The following CDH12 variants were observed in gnomAD, a reference collection of about 807,000 sequenced individuals.
The protein encoded by CDH12 is cadherin 12.
CDH12 carries 41 observed loss-of-function variants against 74.1 expected under a neutral mutation model. The ratio of observed to expected loss-of-function variants is 0.55; its 90% CI spans 0.43 to 0.72. CDH12 has a LOEUF of 0.72. Ranked by LOEUF, CDH12 falls within the 30% of genes least tolerant of loss-of-function variation. CDH12 has a pLI of 0.00. For synonymous variants in CDH12, 399 were observed against 355.0 expected (o/e 1.12, Z -1.39); for missense variants, 945 against 977.2 (o/e 0.97, Z 0.44).
At chr5:21,879,912 C>T (rs576177501) in intron 6 of CDH12, among the ~76,000 whole-genome samples, 1 of 152,314 alleles carries the variant, frequency 6.6e-6, no homozygotes, top group South Asian at 2.1e-4. Flanking sequence ...GTTGATCTAA[C>T]AGGTAGATGG....
In CDH12 at chr5:21,975,280, C is replaced by T. The variant is rs1303960064; in HGVS notation, c.337G>A (p.Ala113Thr). ...TIDETTGDIH[A>T]IRSLDREEKP... Reference sequence around the variant, plus strand: ...TCTTCTCTATCTAGGCTCCTTATTGCATGAATGTCCCCTGTGGTTTCATCA... The same window carrying T: ...TCTTCTCTATCTAGGCTCCTTATTGTATGAATGTCCCCTGTGGTTTCATCA... The change falls in exon 6 of 15, where the codon GCA becomes ACA. Residue 113 changes from alanine to threonine, a missense_variant. By Grantham distance (58) the Ala-to-Thr change is moderately conservative (BLOSUM62 0). Around this residue, in one of 3 missense-constraint regions of CDH12, gnomAD observed 148 missense variants for 162.8 expected, o/e 0.91. Coordinates refer to ENST00000382254, the MANE Select transcript of CDH12 (RefSeq NM_004061.5). 5.0e-6 allele frequency: 8 copies of T among 1,597,192 alleles called. No individual in the cohort carries two copies. Among genetic ancestry groups the T allele is most frequent in the Non-Finnish European group, 5.1e-6 (6 of 1,179,514 alleles).
chr5:22,677,527 A>G (rs1166392082), intron 1 of CDH12, among the ~76,000 whole-genome samples: 3 of 151,746 alleles, frequency 2.0e-5, no homozygotes, highest in Non-Finnish European at 4.4e-5. Context: ...TGACCAAATC[A>G]CCTCTCAAAG....
intron 5 of CDH12, among the ~76,000 whole-genome samples, chr5:22,062,509 G>A (rs541257799): frequency 3.9e-5 from 6 of 152,196 alleles, no homozygotes; most frequent in East Asian, 3.9e-4. Context: ...ACCTAAAAAC[G>A]CTTTTAAAAA....
At chr5:22,579,169 T>C (rs541603812) in intron 1 of CDH12, among the ~76,000 whole-genome samples, 2 of 152,258 alleles carry the variant, frequency 1.3e-5, no homozygotes, top group South Asian at 4.1e-4. Context: ...CTTATAGATA[T>C]GAGATCCATC....
At chr5:22,658,317 A>C (rs963252676) in intron 1 of CDH12, among the ~76,000 whole-genome samples, 1 of 152,122 alleles carries the variant, frequency 6.6e-6, no homozygotes, top group Non-Finnish European at 1.5e-5. Flanking sequence ...CCTGTAAATT[A>C]GGTGTTTTGA....
chr5:22,190,137 T>C (rs981580431), intron 4 of CDH12, among the ~76,000 whole-genome samples: 7 of 152,208 alleles, frequency 4.6e-5, no homozygotes, highest in African/African-American at 1.4e-4. Flanking sequence ...ATCATGATCA[T>C]GTCTGGGGTG....
At chr5:22,161,598 G>A (rs1748355065) in intron 4 of CDH12, among the ~76,000 whole-genome samples, 1 of 151,958 alleles carries the variant, frequency 6.6e-6, no homozygotes, top group Non-Finnish European at 1.5e-5. Context: ...AGGCGGAGGT[G>A]GGAAGATTGG....
intron 5 of CDH12, among the ~76,000 whole-genome samples, chr5:22,036,836 G>C (rs1739223034): frequency 6.6e-6 from 1 of 152,030 alleles, no homozygotes; most frequent in Non-Finnish European, 1.5e-5. Flanking sequence ...GGCATCAAAG[G>C]ACAGCATTTA....
intron 4 of CDH12, among the ~76,000 whole-genome samples, chr5:22,120,591 T>G (rs192136804): frequency 6.6e-6 from 1 of 152,262 alleles, no homozygotes; most frequent in Non-Finnish European, 1.5e-5. Context: ...TTCTTTAATA[T>G]ATGGAAATGT....
intron 6 of CDH12, among the ~76,000 whole-genome samples, chr5:21,967,529 T>C (rs1461616572): frequency 6.6e-6 from 1 of 152,130 alleles, no homozygotes; most frequent in Non-Finnish European, 1.5e-5. Context: ...GGCTAAAATA[T>C]ATTTAATGCT....
chr5:22,400,542 C>T (rs931914405), intron 3 of CDH12, among the ~76,000 whole-genome samples: 3 of 151,958 alleles, frequency 2.0e-5, no homozygotes, highest in African/African-American at 7.3e-5. Context: ...GCGATCCACC[C>T]ACCTTGACCT....
chr5:21,825,766 G>A (rs1748636015), intron 8 of CDH12, among the ~76,000 whole-genome samples: 1 of 152,164 alleles, frequency 6.6e-6, no homozygotes, highest in Admixed American at 6.5e-5. Context: ...CCTGTTTTCT[G>A]AAGCACATCT....
chr5:22,067,737 A>T (rs932245438), intron 5 of CDH12, among the ~76,000 whole-genome samples: 1 of 152,146 alleles, frequency 6.6e-6, no homozygotes, highest in African/African-American at 2.4e-5. Flanking sequence ...TCTTCATAAG[A>T]TATGAAGTAT....
intron 3 of CDH12, among the ~76,000 whole-genome samples, chr5:22,320,422 GA>G (rs1738822762): frequency 6.6e-6 from 1 of 152,048 alleles, no homozygotes; most frequent in African/African-American, 2.4e-5. Context: ...TTCATTATTT[GA>G]AAATTTGAAT....
At chr5:21,995,816 T>TA in intron 5 of CDH12, among the ~76,000 whole-genome samples, 1 of 151,632 alleles carries the variant, frequency 6.6e-6, no homozygotes, top group South Asian at 2.1e-4. Flanking sequence ...GCTGATTGCA[T>TA]AAAAAAAAGC....
At chr5:22,094,522 G>GT (rs1189224486) in intron 4 of CDH12, among the ~76,000 whole-genome samples, 2 of 152,118 alleles carry the variant, frequency 1.3e-5, no homozygotes, top group East Asian at 1.9e-4. Flanking sequence ...AGAAACTATC[G>GT]TAACAGTAGG....
chr5:22,473,894 A>G (rs1191454374), intron 2 of CDH12, among the ~76,000 whole-genome samples: 1 of 152,134 alleles, frequency 6.6e-6, no homozygotes, highest in African/African-American at 2.4e-5. Flanking sequence ...TTGAAATTCA[A>G]TCTGAGTATA....
rs138950467 is a variant in CDH12, at chr5:22,787,201, A to G, written c.-523+65857T>C. On this transcript the variant is annotated intron_variant, in intron 1 of 14. Transcript: ENST00000382254. ...ATCTTGATTACTTGCAAACAAGAAG[A>G]TATTTCCTATTCTGTTCTCTCCTCT... Among the ~76,000 whole-genome samples, 990 of 152,140 alleles carry G rather than the reference A, an allele frequency of 6.5e-3. 10 individuals are homozygous for G. The highest frequency in any genetic ancestry group is 0.023 in the African/African-American group (958 of 41,498).
At chr5:22,176,092 C>T (rs1250657773) in intron 4 of CDH12, among the ~76,000 whole-genome samples, 1 of 152,082 alleles carries the variant, frequency 6.6e-6, no homozygotes, top group Non-Finnish European at 1.5e-5. Context: ...TTGACTCGTC[C>T]TAGTTCTCAG....
Sources: allele counts gnomAD v4.1 joint callset (sites outside exome capture counted in the v4.1 genomes callset), GRCh38; gene constraint gnomAD v4.1.1; regional missense constraint gnomAD v4.1.1; transcripts MANE v1.5; gene names NCBI Gene and HGNC (gene_info 2026-07-23, HGNC 2026-07-21).